ATP9B: variants seen among roughly 807,000 people sequenced by gnomAD.
ATP9B encodes ATPase phospholipid transporting 9B, also known as probable phospholipid-transporting ATPase IIB.
Under a neutral mutation model 146.1 loss-of-function variants are expected in ATP9B, and 110 were observed. That is an observed-to-expected ratio of 0.75 (90% CI 0.65 to 0.88). The LOEUF (loss-of-function observed/expected upper bound fraction) is 0.88. Among genes scored for constraint, ATP9B ranks in the 40% least tolerant of loss-of-function variants. The pLI is 0.00. For synonymous variants in ATP9B, 604 were observed against 569.7 expected, an observed-to-expected ratio of 1.06 and a Z score of -0.86; for missense variants, 1,499 against 1,496.4, an observed-to-expected ratio of 1.00 and a Z score of -0.03.
chr18:79,238,351 G>A (rs1464164000), intron 11 of ATP9B, among the ~76,000 whole-genome samples: 1 of 152,076 alleles, frequency 6.6e-6, no homozygotes, highest in Non-Finnish European at 1.5e-5. Context: ...TCAGTTCCGG[G>A]GCTTACGTGA....
intron 11 of ATP9B, among the ~76,000 whole-genome samples, chr18:79,232,765 G>T (rs2095804201): frequency 6.6e-6 from 1 of 152,168 alleles, no homozygotes; most frequent in African/African-American, 2.4e-5. Context: ...AGAGATAACT[G>T]TAATCAGAGA....
intron 6 of ATP9B, among the ~76,000 whole-genome samples, chr18:79,150,797 C>G (rs987752420): frequency 6.6e-6 from 1 of 152,108 alleles, no homozygotes; most frequent in Non-Finnish European, 1.5e-5. Context: ...TGAGACGAGC[C>G]TGGACAACAT....
At chr18:79,083,741 A>G (rs1009815922) in intron 1 of ATP9B, among the ~76,000 whole-genome samples, 2 of 152,042 alleles carry the variant, frequency 1.3e-5, no homozygotes, top group African/African-American at 4.8e-5. Flanking sequence ...GGCTGCACCC[A>G]CTGTCTAACC....
At chr18:79,110,010 T>A (rs989527381) in intron 2 of ATP9B, among the ~76,000 whole-genome samples, 3 of 152,206 alleles carry the variant, frequency 2.0e-5, no homozygotes, top group Non-Finnish European at 4.4e-5. Context: ...AAAAGTGTAT[T>A]GGGAATTACC....
intron 1 of ATP9B, among the ~76,000 whole-genome samples, chr18:79,073,199 G>A (rs2072156340): frequency 6.6e-6 from 1 of 152,182 alleles, no homozygotes; most frequent in East Asian, 1.9e-4. Flanking sequence ...TGGCCAGGCA[G>A]AGACGCTCCT....
At chr18:79,260,813 T>C (rs955742340) in intron 12 of ATP9B, among the ~76,000 whole-genome samples, 3 of 152,254 alleles carry the variant, frequency 2.0e-5, no homozygotes, top group African/African-American at 4.8e-5. Flanking sequence ...GGCAGAGCAC[T>C]GAGACACAGT....
intron 9 of ATP9B, among the ~76,000 whole-genome samples, chr18:79,205,172 C>A (rs2095522281): frequency 6.6e-6 from 1 of 152,200 alleles, no homozygotes. Context: ...GGCCAAACGC[C>A]TTCCTCAAAT....
chr18:79,359,498 A>G (rs968637414), intron 26 of ATP9B, 36 bp downstream of exon 26: 15 of 1,479,688 alleles, frequency 1.0e-5, no homozygotes, highest in African/African-American at 2.8e-5. Flanking sequence ...CCTCACGACT[A>G]GCACCCACAT....
intron 13 of ATP9B, among the ~76,000 whole-genome samples, chr18:79,291,925 C>T (rs1011411167): frequency 2.3e-4 from 35 of 152,358 alleles, no homozygotes; most frequent in African/African-American, 8.4e-4. Flanking sequence ...CCCCAGGCAG[C>T]CCCTGGTTAC....
Position 79,202,115 on chromosome 18 carries a change from A to T in ATP9B, c.955-4822A>T, listed in dbSNP as rs550022016. Among the ~76,000 whole-genome samples the T allele has an allele frequency of 1.1e-3, 170 of 152,286 alleles. 1 individual carries two copies. Among genetic ancestry groups the T allele is most frequent in the Non-Finnish European group, 2.0e-3 (135 of 68,026 alleles). On this transcript the variant is annotated intron_variant, in intron 9 of 29. Coordinates refer to ENST00000426216, the MANE Select transcript of ATP9B (RefSeq NM_198531.5). Reference sequence around the variant, plus strand: ...TAATTCAAGGTCCCTGTGGCAGTATACCCAGTATGCATGCTGATGCCTGTG... The same window carrying T: ...TAATTCAAGGTCCCTGTGGCAGTATTCCCAGTATGCATGCTGATGCCTGTG...
chr18:79,094,028 T>A (rs1176757710), intron 1 of ATP9B, among the ~76,000 whole-genome samples: 1 of 152,262 alleles, frequency 6.6e-6, no homozygotes, highest in Admixed American at 6.5e-5. Flanking sequence ...ATTCTGGGTC[T>A]CATAATCCTT....
At chr18:79,153,908 A>G (rs941701509) in intron 6 of ATP9B, among the ~76,000 whole-genome samples, 2 of 151,260 alleles carry the variant, frequency 1.3e-5, no homozygotes, top group African/African-American at 4.9e-5. Flanking sequence ...TTGGCCTTCC[A>G]AAGTACTGGG....
intron 8 of ATP9B, among the ~76,000 whole-genome samples, chr18:79,186,650 A>C (rs1365450188): frequency 6.6e-6 from 1 of 152,258 alleles, no homozygotes; most frequent in East Asian, 1.9e-4. Context: ...TAGAAGTTTC[A>C]TAATTCTCAA....
At chr18:79,286,097 G>C (rs1384831388) in intron 13 of ATP9B, among the ~76,000 whole-genome samples, 1 of 151,360 alleles carries the variant, frequency 6.6e-6, no homozygotes, top group African/African-American at 2.4e-5. Flanking sequence ...ACTTGGCGAT[G>C]CGGGCTCTTT....
rs1240096568 is a variant in ATP9B, at chr18:79,346,313, C to T, written c.2682+474C>T. Reference sequence around the variant, plus strand: ...ATGCTCAGCACACACTTGGCACACTCGTTTAGCACACTACACATGCTCAGC... The same window carrying T: ...ATGCTCAGCACACACTTGGCACACTTGTTTAGCACACTACACATGCTCAGC... On this transcript the variant is annotated intron_variant, in intron 23 of 29. Transcript: ENST00000426216. Among the ~76,000 whole-genome samples the T allele has an allele frequency of 2.0e-5, 3 of 149,370 alleles. No individual in the cohort carries two copies. In the East Asian group the frequency reaches 6.1e-4, roughly 30 times the overall value.
intron 2 of ATP9B, among the ~76,000 whole-genome samples, chr18:79,103,347 A>T (rs2075425060): frequency 6.6e-6 from 1 of 151,652 alleles, no homozygotes; most frequent in African/African-American, 2.4e-5. Flanking sequence ...GGTCTAATAC[A>T]TAGTTTTGTC....
At chr18:79,196,129 C>T (rs1029027207) in intron 9 of ATP9B, among the ~76,000 whole-genome samples, 1 of 152,196 alleles carries the variant, frequency 6.6e-6, no homozygotes, top group East Asian at 1.9e-4. Context: ...CATACGGAGC[C>T]ATACAAGAGC....
intron 12 of ATP9B, among the ~76,000 whole-genome samples, chr18:79,272,008 T>C (rs4799026): frequency 0.46 from 70,435 of 152,068 alleles, 16,502 homozygotes; most frequent in Middle Eastern, 0.56. Flanking sequence ...AGCATTTTTT[T>C]GTGTGTCTTT....
intron 11 of ATP9B, among the ~76,000 whole-genome samples, chr18:79,240,529 T>G (rs371724048): frequency 6.3e-4 from 96 of 152,328 alleles, no homozygotes; most frequent in Admixed American, 2.9e-3. Flanking sequence ...GCGGATCACC[T>G]GAGGGCAGGA....
Sources: gnomAD v4.1 joint callset for allele counts (sites outside exome capture counted in the v4.1 genomes callset) on GRCh38, gnomAD v4.1.1 for gene constraint, MANE v1.5 for transcripts, NCBI Gene and HGNC (gene_info 2026-07-23, HGNC 2026-07-21) for gene names.